Variants in AIG1 observed in about 807,000 individuals in gnomAD.
AIG1 encodes the protein androgen-induced gene 1 protein.
Under a neutral mutation model 31.4 loss-of-function variants are expected in AIG1, and 23 were observed. The ratio of observed to expected loss-of-function variants is 0.73; its 90% CI spans 0.53 to 1.04. The LOEUF (loss-of-function observed/expected upper bound fraction) is 1.04. Among genes scored for constraint, AIG1 ranks in the 50% least tolerant of loss-of-function variants. AIG1 has a pLI of 0.00. For missense variants in AIG1, 274 were observed against 295.0 expected (o/e 0.93, Z 0.52); for synonymous variants, 100 against 110.5 (o/e 0.90, Z 0.60).
In AIG1 at chr6:143,339,838, G is replaced by A; in HGVS notation, c.*162G>A. On this transcript the variant is annotated 3_prime_UTR_variant, in exon 6 of 6. Coordinates refer to ENST00000357847, the MANE Select transcript of AIG1 (RefSeq NM_016108.4). Reference sequence around the variant, plus strand: ...TTATATATAAATATGTATAAACATAGAATACAGTTGTTTCCAAAAGAACTC... The same window carrying A: ...TTATATATAAATATGTATAAACATAAAATACAGTTGTTTCCAAAAGAACTC... 1.9e-6 allele frequency: 1 copy of A among 518,560 alleles called. No individual in the cohort carries two copies. The highest frequency in any genetic ancestry group is 3.5e-5 in the South Asian group (1 of 28,562). The allele number at this position is 518,560 out of a possible 1,614,324, so 32.1% of individuals were successfully genotyped here.
chr6:143,337,442 T>G (rs566097328), intron 5 of AIG1, among the ~76,000 whole-genome samples: 1 of 151,566 alleles, frequency 6.6e-6, no homozygotes, highest in Non-Finnish European at 1.5e-5. Context: ...TCTCCCAATC[T>G]GAGGTACTGA....
chr6:143,103,807 C>T (rs554395840), intron 1 of AIG1, among the ~76,000 whole-genome samples: 3 of 152,312 alleles, frequency 2.0e-5, no homozygotes, highest in Non-Finnish European at 4.4e-5. Flanking sequence ...AGCTACTGAA[C>T]ATCCTTCTTC....
intron 1 of AIG1, among the ~76,000 whole-genome samples, chr6:143,062,433 C>CCCGTG (rs1257136020): frequency 2.0e-5 from 3 of 152,174 alleles, no homozygotes; most frequent in Non-Finnish European, 4.4e-5. Context: ...AAGTGAGGAG[C>CCCGTG]CCGTGACAAG....
chr6:143,335,812 G>A (rs112762540), intron 5 of AIG1, among the ~76,000 whole-genome samples: 12 of 151,830 alleles, frequency 7.9e-5, no homozygotes, highest in Middle Eastern at 3.2e-3. Context: ...AAAATGAGCC[G>A]GGCGTACATG....
At chr6:143,180,198 A>T (rs2128584121) in intron 3 of AIG1, among the ~76,000 whole-genome samples, 1 of 152,342 alleles carries the variant, frequency 6.6e-6, no homozygotes, top group Non-Finnish European at 1.5e-5. Flanking sequence ...CTGGACTTTG[A>T]TATAATTCAA....
intron 3 of AIG1, among the ~76,000 whole-genome samples, chr6:143,275,928 G>T (rs1050786556): frequency 6.6e-6 from 1 of 152,166 alleles, no homozygotes; most frequent in African/African-American, 2.4e-5. Context: ...TACAACATGG[G>T]TCATCTCTAG....
Position 143,060,970 on chromosome 6 carries a change from G to C in AIG1, c.45G>C (p.Leu15=). The C allele has an allele frequency of 6.2e-7, 1 of 1,613,014 alleles. No homozygotes were observed. Residue 15 remains leucine (L), a synonymous_variant, in exon 1 of 6, where the codon CTG becomes CTC. Coordinates refer to ENST00000357847, the MANE Select transcript of AIG1 (RefSeq NM_016108.4). ...PCQVLRMAIL[L]SYCSILCNYK... The stretch of plus-strand genomic sequence containing the variant: ...AGGTGCTGCGGATGGCAATCCTGCT[G>C]TCTTACTGCTCTATCCTGTGTAACT...
chr6:143,154,882 C>G (rs1010571532), intron 2 of AIG1, among the ~76,000 whole-genome samples: 19 of 152,096 alleles, frequency 1.2e-4, no homozygotes, highest in Non-Finnish European at 2.4e-4. Context: ...GTGTCTCACT[C>G]TGTAGCCCAG....
chr6:143,260,144 C>G (rs1455737843), intron 3 of AIG1, among the ~76,000 whole-genome samples: 2 of 151,598 alleles, frequency 1.3e-5, no homozygotes, highest in African/African-American at 2.4e-5. Context: ...CTCCTTCAGC[C>G]TCCCAAGTAG....
At chr6:143,200,589 TG>T (rs1790619620) in intron 3 of AIG1, among the ~76,000 whole-genome samples, 1 of 152,328 alleles carries the variant, frequency 6.6e-6, no homozygotes, top group Non-Finnish European at 1.5e-5. Flanking sequence ...ACCACGCCAC[TG>T]TAACTGTTAG....
At position 143,258,899 on chromosome 6, in the gene AIG1, G is replaced by A. The variant is rs1190814704; in HGVS notation, c.400-25211G>A. The stretch of plus-strand genomic sequence containing the variant: ...GGATTAGTTACCATGAGAGCAGTCA[G>A]ACTCTTTTTAACAATCTGCTCTCAT... On this transcript the variant is annotated intron_variant, in intron 3 of 5. Transcript: ENST00000357847. The surrounding 1 kb of genome is among the most constrained non-coding windows in gnomAD (Gnocchi z 4.7). Among the ~76,000 whole-genome samples the A allele has an allele frequency of 3.3e-5, 5 of 152,146 alleles. No individual in the cohort carries two copies. Among genetic ancestry groups the A allele is most frequent in the Non-Finnish European group, 7.3e-5 (5 of 68,028 alleles).
chr6:143,070,684 G>A (rs1308517229), intron 1 of AIG1, among the ~76,000 whole-genome samples: 1 of 152,140 alleles, frequency 6.6e-6, no homozygotes, highest in African/African-American at 2.4e-5. Flanking sequence ...TTTTATGACA[G>A]ACCCACTCTT....
At chr6:143,267,457 C>T (rs543858074) in intron 3 of AIG1, among the ~76,000 whole-genome samples, 1 of 152,202 alleles carries the variant, frequency 6.6e-6, no homozygotes, top group East Asian at 1.9e-4. Context: ...ATCCTCTACT[C>T]ATTTGATTCC....
chr6:143,189,305 TC>T, intron 3 of AIG1: 1 of 701,878 alleles, frequency 1.4e-6, no homozygotes, highest in Non-Finnish European at 1.8e-6. Flanking sequence ...GGTCTCGAAC[TC>T]CTGGCCTCAA....
intron 5 of AIG1, chr6:143,335,129 ATCC>A (rs1316512196): frequency 7.1e-7 from 1 of 1,414,642 alleles, no homozygotes; most frequent in Admixed American, 2.8e-5. Context: ...AGTAAGTATC[ATCC>A]TCATTTACAA....
chr6:143,234,343 G>A (rs1394188703), intron 3 of AIG1, among the ~76,000 whole-genome samples: 1 of 152,188 alleles, frequency 6.6e-6, no homozygotes, highest in East Asian at 1.9e-4. Flanking sequence ...GCAACAATGA[G>A]ATTGACTCCT....
intron 1 of AIG1, among the ~76,000 whole-genome samples, chr6:143,101,764 T>A (rs1312001035): frequency 6.6e-6 from 1 of 152,116 alleles, no homozygotes; most frequent in Non-Finnish European, 1.5e-5. Flanking sequence ...AAAGAACTTA[T>A]TCATGTAACG....
chr6:143,296,722 T>C (rs961069951), intron 4 of AIG1, among the ~76,000 whole-genome samples: 1 of 152,226 alleles, frequency 6.6e-6, no homozygotes, highest in African/African-American at 2.4e-5. Context: ...GACCATTTGC[T>C]TGTTATGGGA....
chr6:143,303,411 A>C (rs896864242), intron 4 of AIG1, among the ~76,000 whole-genome samples: 4 of 151,888 alleles, frequency 2.6e-5, no homozygotes, highest in African/African-American at 9.7e-5. Context: ...TATAAGGTGT[A>C]AGGAAGGGAT....
Sources: allele counts gnomAD v4.1 joint callset (sites outside exome capture counted in the v4.1 genomes callset), GRCh38; gene constraint gnomAD v4.1.1; non-coding constraint Gnocchi (gnomAD v3.1); transcripts MANE v1.5; gene names NCBI Gene and HGNC (gene_info 2026-07-23, HGNC 2026-07-21).